The following ANKS1B variants were observed in gnomAD, a reference collection of about 807,000 sequenced individuals.
ANKS1B encodes the protein ankyrin repeat and sterile alpha motif domain-containing protein 1B.
In ANKS1B, 36 loss-of-function variants were observed where a neutral mutation model predicts 148.3. The ratio of observed to expected loss-of-function variants is 0.24; its 90% CI spans 0.19 to 0.32. The LOEUF is 0.32. Among genes scored for constraint, ANKS1B ranks in the 10% least tolerant of loss-of-function variants. The probability of loss-of-function intolerance (pLI) is 1.00; values close to 1 mark genes in which losing one functional copy is unlikely to be tolerated. For synonymous variants in ANKS1B, 542 were observed against 560.8 expected (o/e 0.97, Z 0.47); for missense variants, 1,157 against 1,542.6 (o/e 0.75, Z 4.19).
At position 98,744,195 on chromosome 12, in the gene ANKS1B, C is replaced by T; in HGVS notation, c.*1544G>A. ...TACATACATATCAACAGTGAATAGG[C>T]AAAATATATACAAGGAACTGTTCAG... On this transcript the variant is annotated 3_prime_UTR_variant, in exon 27 of 27. Coordinates refer to ENST00000683438, the MANE Select transcript of ANKS1B (RefSeq NM_001352186.2). 1.0e-6 allele frequency: 1 copy of T among 975,942 alleles called. No homozygotes were observed. The highest frequency in any genetic ancestry group is 1.2e-6 in the Non-Finnish European group (1 of 820,922). The allele number at this position is 975,942 out of a possible 1,614,324, so 60.5% of individuals were successfully genotyped here.
Position 99,503,402 on chromosome 12 carries a change from G to C in ANKS1B, c.1438+1074C>G, listed in dbSNP as rs895433714. Among the ~76,000 whole-genome samples the C allele has an allele frequency of 5.9e-5, 9 of 152,088 alleles. No homozygotes were observed. The South Asian group carries it at 1.7e-3, about 28-fold the overall frequency. ...ATATTCATAACCATGCTGTCTTCTC[G>C]CTACTCTGTGGGGAAGCAAGGTCTG... On this transcript the variant is annotated intron_variant, in intron 10 of 26. Coordinates refer to ENST00000683438, the MANE Select transcript of ANKS1B (RefSeq NM_001352186.2).
At chr12:99,327,160 AATAT>A (rs1309525129) in intron 12 of ANKS1B, among the ~76,000 whole-genome samples, 16 of 120,402 alleles carry the variant, frequency 1.3e-4, no homozygotes, top group Non-Finnish European at 2.2e-4. Flanking sequence ...TATAATATAT[AATAT>A]ATAATTATAT....
intron 17 of ANKS1B, among the ~76,000 whole-genome samples, chr12:98,992,348 T>G (rs1033855545): frequency 2.0e-5 from 3 of 152,140 alleles, no homozygotes; most frequent in Non-Finnish European, 1.5e-5. Flanking sequence ...CATGCAAATC[T>G]CATCTCAAAT....
chr12:99,834,893 C>A (rs2084586861), intron 1 of ANKS1B, among the ~76,000 whole-genome samples: 1 of 152,186 alleles, frequency 6.6e-6, no homozygotes, highest in African/African-American at 2.4e-5. Context: ...TAGGAATGGT[C>A]TTCTGACAGA....
chr12:99,904,201 T>G (rs1195088962), intron 1 of ANKS1B, among the ~76,000 whole-genome samples: 1 of 152,106 alleles, frequency 6.6e-6, no homozygotes, highest in Non-Finnish European at 1.5e-5. Context: ...AATTCTTTTT[T>G]TTTTTTTTTA....
chr12:99,959,227 ATTTTTTTTT>A (rs71088166), intron 1 of ANKS1B, among the ~76,000 whole-genome samples: 6 of 99,872 alleles, frequency 6.0e-5, no homozygotes, highest in African/African-American at 1.6e-4. Flanking sequence ...CACCCAGTTA[ATTTTTTTTT>A]TTTTTTTTTT....
intron 17 of ANKS1B, among the ~76,000 whole-genome samples, chr12:98,990,549 A>C (rs569168723): frequency 6.7e-6 from 1 of 149,492 alleles, no homozygotes; most frequent in South Asian, 2.1e-4. Context: ...TCAGGATGAT[A>C]AAGAGAGAGA....
chr12:99,331,837 G>C (rs1022541241), intron 12 of ANKS1B, among the ~76,000 whole-genome samples: 1 of 151,952 alleles, frequency 6.6e-6, no homozygotes. Flanking sequence ...AAGGAATCTG[G>C]AGAGAGCTTA....
intron 8 of ANKS1B, among the ~76,000 whole-genome samples, chr12:99,716,265 C>T (rs112619335): frequency 0.015 from 2,218 of 151,382 alleles, 23 homozygotes; most frequent in Middle Eastern, 0.041. Flanking sequence ...CTTATCTCTG[C>T]GCCCCGATCC....
intron 14 of ANKS1B, among the ~76,000 whole-genome samples, chr12:99,181,961 C>T (rs914419700): frequency 1.3e-5 from 2 of 152,036 alleles, no homozygotes; most frequent in African/African-American, 4.8e-5. Flanking sequence ...CCTTATCCTC[C>T]CACTACCCTT....
intron 1 of ANKS1B, among the ~76,000 whole-genome samples, chr12:99,857,585 A>T (rs547868359): frequency 1.8e-4 from 27 of 152,200 alleles, no homozygotes; most frequent in African/African-American, 6.3e-4. Context: ...CCAAAGCAGG[A>T]CTAAGCAAAA....
In ANKS1B at chr12:99,435,375, A is replaced by C. The variant is rs112980020; in HGVS notation, c.1575+8298T>G. On this transcript the variant is annotated intron_variant, in intron 11 of 26. Transcript: ENST00000683438. ...ATATGTAGCCAACATCTTCTTAAGT[A>C]GGTTCCAATGATTTAGGGAACTTTA... 4.0e-3 allele frequency among the ~76,000 whole-genome samples: 602 copies of C among 152,212 alleles called. 3 individuals carry two copies. The highest frequency in any genetic ancestry group is 7.1e-3 in the Non-Finnish European group (481 of 67,964).
chr12:99,468,825 C>A (rs1265931997), intron 10 of ANKS1B, among the ~76,000 whole-genome samples: 1 of 152,110 alleles, frequency 6.6e-6, no homozygotes, highest in Non-Finnish European at 1.5e-5. Context: ...AATAGGAACA[C>A]TTTTACACTG....
At chr12:98,912,990 C>T (rs2099788786) in intron 17 of ANKS1B, among the ~76,000 whole-genome samples, 1 of 152,210 alleles carries the variant, frequency 6.6e-6, no homozygotes, top group African/African-American at 2.4e-5. Flanking sequence ...ATTAGAATAC[C>T]TTTAGACAGG....
chr12:99,338,358 G>A (rs893101541), intron 12 of ANKS1B, among the ~76,000 whole-genome samples: 2 of 152,108 alleles, frequency 1.3e-5, no homozygotes, highest in Non-Finnish European at 1.5e-5. Flanking sequence ...TTCACTCAGG[G>A]CCCAAAGGCT....
At chr12:99,977,063 C>G (rs1391327330) in intron 1 of ANKS1B, among the ~76,000 whole-genome samples, 1 of 152,142 alleles carries the variant, frequency 6.6e-6, no homozygotes, top group Non-Finnish European at 1.5e-5. Flanking sequence ...TGACACCTAA[C>G]CCACTCCCAC....
intron 8 of ANKS1B, among the ~76,000 whole-genome samples, chr12:99,743,873 A>G (rs1023388440): frequency 1.3e-5 from 2 of 152,216 alleles, no homozygotes; most frequent in African/African-American, 4.8e-5. Flanking sequence ...TCTTTAAATA[A>G]TGGGTTTTGA....
chr12:98,895,016 C>A, intron 17 of ANKS1B: 1 of 827,800 alleles, frequency 1.2e-6, no homozygotes, highest in Non-Finnish European at 1.5e-6. Context: ...GGCGCGTCCT[C>A]CCCCGAACGC....
intron 9 of ANKS1B, among the ~76,000 whole-genome samples, chr12:99,540,360 C>T (rs890759171): frequency 3.3e-5 from 5 of 152,086 alleles, no homozygotes; most frequent in African/African-American, 7.2e-5. Flanking sequence ...GCAGAATGTG[C>T]GTTCTTCTTA....
Sources: gnomAD v4.1 joint callset for allele counts (sites outside exome capture counted in the v4.1 genomes callset) on GRCh38, gnomAD v4.1.1 for gene constraint, MANE v1.5 for transcripts, NCBI Gene and HGNC (gene_info 2026-07-23, HGNC 2026-07-21) for gene names.